Variants in PROSER2 observed in about 807,000 individuals in gnomAD.
PROSER2 encodes proline and serine rich 2, also known as proline and serine-rich protein 2.
PROSER2 carries 18 observed loss-of-function variants against 14.6 expected under a neutral mutation model. That is an observed-to-expected ratio of 1.23 (90% CI 0.85 to 1.83). The LOEUF is 1.83. Ranked by LOEUF, PROSER2 falls within the 40% of genes most tolerant of loss-of-function variation. PROSER2 has a pLI of 0.00. For synonymous variants in PROSER2, 367 were observed against 286.4 expected, an observed-to-expected ratio of 1.28 and a Z score of -2.84; for missense variants, 823 against 629.8, an observed-to-expected ratio of 1.31 and a Z score of -3.28.
intron 1 of PROSER2, among the ~76,000 whole-genome samples, chr10:11,849,165 C>T (rs960266466): frequency 7.3e-5 from 11 of 151,666 alleles, no homozygotes; most frequent in African/African-American, 2.2e-4. Flanking sequence ...CCAGCCTGGG[C>T]GGCACAGCAA....
chr10:11,866,788 G>A lies in PROSER2; in HGVS notation c.391+5G>A. ...CAGAGGGGACCCAGGCAGCAGGTGA[G>A]GGGGAAGACAGGCCATCCCTGGGAT... On this transcript the variant is annotated splice_donor_5th_base_variant and intron_variant, in intron 3 of 3. Coordinates refer to ENST00000277570, the MANE Select transcript of PROSER2 (RefSeq NM_153256.4). This position sits in a 1 kb window ranked among gnomAD's most constrained non-coding sequence, Gnocchi z 6.0. 1.2e-6 allele frequency: 2 copies of A among 1,607,546 alleles called. No individual in the cohort carries two copies. The highest frequency in any genetic ancestry group is 2.2e-5 in the East Asian group (1 of 44,814).
chr10:11,844,060 C>T (rs763495927), intron 1 of PROSER2, among the ~76,000 whole-genome samples: 7 of 152,248 alleles, frequency 4.6e-5, no homozygotes, highest in South Asian at 2.1e-4. Flanking sequence ...GGCATGATCA[C>T]AGCTCACTGC....
At chr10:11,828,712 T>C (rs1312309553) in intron 1 of PROSER2, among the ~76,000 whole-genome samples, 2 of 151,984 alleles carry the variant, frequency 1.3e-5, no homozygotes, top group Non-Finnish European at 2.9e-5. Context: ...CCAAAATAAA[T>C]AAATAAATAA....
At position 11,852,235 on chromosome 10, in the gene PROSER2, TC is replaced by T. The variant is rs1217358767; in HGVS notation, c.138+21del. On this transcript the variant is annotated intron_variant, in intron 2 of 3. Coordinates refer to ENST00000277570, the MANE Select transcript of PROSER2 (RefSeq NM_153256.4). ...ACTTTGGTGAGTGACAGTTTTTCTT[TC>T]ATGCTTTCCTGTGCCTGGGTCAGTG... 6.3e-7 allele frequency: 1 copy of T among 1,591,772 alleles called. No individual in the cohort carries two copies. The highest frequency in any genetic ancestry group is 2.3e-5 in the East Asian group (1 of 43,906).
chr10:11,828,979 G>A (rs1215707776), intron 1 of PROSER2, among the ~76,000 whole-genome samples: 1 of 152,134 alleles, frequency 6.6e-6, no homozygotes, highest in South Asian at 2.1e-4. Context: ...AACAAGGGCA[G>A]CATAGGGGGC....
chr10:11,847,118 T>C (rs933393052), intron 1 of PROSER2, among the ~76,000 whole-genome samples: 2 of 149,608 alleles, frequency 1.3e-5, no homozygotes, highest in Admixed American at 1.3e-4. Context: ...CTCAAGTGTC[T>C]CCTATTCTTA....
At chr10:11,833,046 G>C (rs1833708797) in intron 1 of PROSER2, among the ~76,000 whole-genome samples, 1 of 151,570 alleles carries the variant, frequency 6.6e-6, no homozygotes, top group South Asian at 2.1e-4. Flanking sequence ...ATTTCACCTT[G>C]TTGGCCAGGC....
intron 1 of PROSER2, among the ~76,000 whole-genome samples, chr10:11,839,721 A>T (rs1426147994): frequency 6.7e-6 from 1 of 150,220 alleles, no homozygotes; most frequent in African/African-American, 2.4e-5. Flanking sequence ...GCTACTCGGG[A>T]GGCTGAGGCA....
rs1564314187 is a variant in PROSER2, at chr10:11,866,043, A to G, written c.139-488A>G. 6.6e-6 allele frequency among the ~76,000 whole-genome samples: 1 copy of G among 152,000 alleles called. No individual in the cohort carries two copies. The highest frequency in any genetic ancestry group is 1.5e-5 in the Non-Finnish European group (1 of 67,990). On this transcript the variant is annotated intron_variant, in intron 2 of 3. Coordinates refer to ENST00000277570, the MANE Select transcript of PROSER2 (RefSeq NM_153256.4). This position sits in a 1 kb window ranked among gnomAD's most constrained non-coding sequence, Gnocchi z 6.0. Reference sequence around the variant, plus strand: ...GGATTCTTCAGGTTCCCCAAAGATGATGCGTGCTCCACCATCTCTCTTCCT... The same window carrying G: ...GGATTCTTCAGGTTCCCCAAAGATGGTGCGTGCTCCACCATCTCTCTTCCT...
chr10:11,859,507 G>A (rs896321033), intron 2 of PROSER2, among the ~76,000 whole-genome samples: 1 of 152,122 alleles, frequency 6.6e-6, no homozygotes, highest in Admixed American at 6.6e-5. Flanking sequence ...TAACTAATAG[G>A]GACAAACTTA....
In PROSER2 at chr10:11,862,240, A is replaced by G. The variant is rs1834258318; in HGVS notation, c.139-4291A>G. On this transcript the variant is annotated intron_variant, in intron 2 of 3. Transcript: ENST00000277570. This position sits in a 1 kb window ranked among gnomAD's most constrained non-coding sequence, Gnocchi z 4.2. ...AGAAACTTTCATGCAAATCCCGCTT[A>G]AAGTCACCACAGGGGCATGCGTGTG... Among the ~76,000 whole-genome samples, 1 of 152,228 alleles carries G rather than the reference A, an allele frequency of 6.6e-6. No homozygotes were observed.
chr10:11,854,399 C>T (rs1456043887), intron 2 of PROSER2, among the ~76,000 whole-genome samples: 1 of 152,182 alleles, frequency 6.6e-6, no homozygotes, highest in South Asian at 2.1e-4. Flanking sequence ...CCGTGACCTC[C>T]TAGGCTCAAG....
intron 1 of PROSER2, among the ~76,000 whole-genome samples, chr10:11,848,926 C>T (rs943216215): frequency 6.6e-6 from 1 of 152,108 alleles, no homozygotes; most frequent in Non-Finnish European, 1.5e-5. Context: ...TGGTGGCTCA[C>T]GCCTGTAATC....
In PROSER2 at chr10:11,866,555, A is replaced by G. The variant is rs1178655597; in HGVS notation, c.163A>G (p.Thr55Ala). The G allele has an allele frequency of 1.2e-5, 19 of 1,614,076 alleles. No individual in the cohort carries two copies. The highest frequency in any genetic ancestry group is 1.6e-5 in the Non-Finnish European group (19 of 1,180,006). The change falls in exon 3 of 4, where the codon ACC becomes GCC. Residue 55 changes from threonine (T) to alanine (A), a missense_variant. Coordinates refer to ENST00000277570, the MANE Select transcript of PROSER2 (RefSeq NM_153256.4). This position sits in a 1 kb window ranked among gnomAD's most constrained non-coding sequence, Gnocchi z 6.0. ...GGATGATGAGAGCCTGAAGTACCTCACCCATGAGGAAAAGGATGTGCTCCT... is the reference window on the plus strand; with the variant it reads ...GGATGATGAGAGCCTGAAGTACCTCGCCCATGAGGAAAAGGATGTGCTCCT... ...TLDDESLKYL[T>A]HEEKDVLLFF...
At chr10:11,852,606 G>A (rs1048031278) in intron 2 of PROSER2, among the ~76,000 whole-genome samples, 23 of 150,236 alleles carry the variant, frequency 1.5e-4, no homozygotes, top group Admixed American at 2.0e-4. Context: ...TGCAACCTCC[G>A]CCTCCCAACT....
intron 1 of PROSER2, among the ~76,000 whole-genome samples, chr10:11,846,317 C>T (rs1046007145): frequency 3.3e-5 from 5 of 152,116 alleles, no homozygotes; most frequent in Non-Finnish European, 5.9e-5. Context: ...ATCAGCTCTC[C>T]TCCCCTCTGA....
At position 11,866,095 on chromosome 10, in the gene PROSER2, T is replaced by A. The variant is rs781607921; in HGVS notation, c.139-436T>A. Among the ~76,000 whole-genome samples the A allele has an allele frequency of 1.3e-5, 2 of 149,758 alleles. No individual in the cohort carries two copies. Among genetic ancestry groups the A allele is most frequent in the East Asian group, 3.9e-4 (2 of 5,108 alleles). On this transcript the variant is annotated intron_variant, in intron 2 of 3. Transcript: ENST00000277570. This position sits in a 1 kb window ranked among gnomAD's most constrained non-coding sequence, Gnocchi z 6.0. ...TTATTTTGTCATTGTGATTTGTGCC[T>A]TAAAAAAAAAATCCCTTCGTTTTAG...
Position 11,852,151 on chromosome 10 carries a change from C to A in PROSER2, c.74C>A (p.Ala25Asp), listed in dbSNP as rs1834032099. 2 of 1,613,494 alleles carry A rather than the reference C, an allele frequency of 1.2e-6. No individual in the cohort carries two copies. Among genetic ancestry groups the A allele is most frequent in the Non-Finnish European group, 1.7e-6 (2 of 1,179,778 alleles). Residue 25 changes from alanine to aspartate, a missense_variant, in exon 2 of 4, where the codon GCC becomes GAC. Ala to Asp is a moderately radical substitution (Grantham distance 126). Coordinates refer to ENST00000277570, the MANE Select transcript of PROSER2 (RefSeq NM_153256.4). ...SDTSPSCRLRAFSRGGSLESR... is the reference protein window; with the variant it reads ...SDTSPSCRLRDFSRGGSLESR... ...ACGTCCCCCAGCTGCAGGCTCCGAG[C>A]CTTCAGCAGAGGCGGCAGCCTGGAG... is the stretch of plus-strand genomic sequence containing the variant.
chr10:11,826,053 T>A (rs1283614308), intron 1 of PROSER2, among the ~76,000 whole-genome samples: 5 of 152,026 alleles, frequency 3.3e-5, no homozygotes, highest in Non-Finnish European at 5.9e-5. Context: ...TCCCAACCTC[T>A]GGCAGCCACT....
Sources: allele counts gnomAD v4.1 joint callset (sites outside exome capture counted in the v4.1 genomes callset), GRCh38; gene constraint gnomAD v4.1.1; non-coding constraint Gnocchi (gnomAD v3.1); transcripts MANE v1.5; gene names NCBI Gene and HGNC (gene_info 2026-07-23, HGNC 2026-07-21).